XIRP2: variants seen among roughly 807,000 people sequenced by gnomAD.
XIRP2 encodes xin actin-binding repeat-containing protein 2.
A neutral mutation model predicts 277.0 loss-of-function variants in XIRP2; 236 were observed. That is an observed-to-expected ratio of 0.85 (90% CI 0.77 to 0.95). The LOEUF (loss-of-function observed/expected upper bound fraction) is 0.95, where lower values mean the gene tolerates loss of function less well. XIRP2 is among the 40% of genes least tolerant of loss of function. XIRP2 has a pLI of 0.00. For missense variants in XIRP2, 4,640 were observed against 4,157.5 expected (o/e 1.12, Z -3.19); for synonymous variants, 1,490 against 1,416.5 (o/e 1.05, Z -1.17).
Position 167,241,842 on chromosome 2 carries a change from GA to G in XIRP2, c.1112del (p.Lys371SerfsTer14). The G allele has an allele frequency of 6.2e-7, 1 of 1,613,644 alleles. No individual in the cohort carries two copies. Among genetic ancestry groups the G allele is most frequent in the East Asian group, 2.2e-5 (1 of 44,824 alleles). ...VSTKLLKEQF[E>X]KSAQEKILYS... ...GACTAAGTTGTTAAAAGAGCAGTTT[GA>G]AAAGTCTGCCCAGGAAAAGATCCTT... On this transcript the variant is annotated frameshift_variant, in exon 8 of 11. Coordinates refer to ENST00000409195, the MANE Select transcript of XIRP2 (RefSeq NM_152381.6). LOFTEE classifies it high-confidence loss of function.
chr2:167,110,001 G>A (rs1690711365), intron 2 of XIRP2, among the ~76,000 whole-genome samples: 1 of 151,970 alleles, frequency 6.6e-6, no homozygotes, highest in South Asian at 2.1e-4. Flanking sequence ...CATGTCCTTT[G>A]CCCACTTCTT....
intron 2 of XIRP2, among the ~76,000 whole-genome samples, chr2:166,981,803 T>G (rs977967042): frequency 1.3e-5 from 2 of 152,188 alleles, no homozygotes; most frequent in African/African-American, 4.8e-5. Context: ...AGACCCTATT[T>G]CCAAATAAGG....
chr2:167,043,787 C>T (rs1029118645), intron 2 of XIRP2, among the ~76,000 whole-genome samples: 5 of 151,948 alleles, frequency 3.3e-5, no homozygotes, highest in African/African-American at 1.2e-4. Flanking sequence ...ACCAAGTTTA[C>T]TGAAATTATT....
chr2:167,192,649 A>G (rs1693382560), intron 3 of XIRP2, among the ~76,000 whole-genome samples: 1 of 152,196 alleles, frequency 6.6e-6, no homozygotes, highest in African/African-American at 2.4e-5. Context: ...AATTCTGTCA[A>G]TTCCAGTGAC....
At chr2:167,159,100 G>A (rs935069164) in intron 3 of XIRP2, among the ~76,000 whole-genome samples, 1 of 152,088 alleles carries the variant, frequency 6.6e-6, no homozygotes, top group Non-Finnish European at 1.5e-5. Context: ...GTTCATAGAG[G>A]GGCTGCACTG....
At chr2:166,920,035 T>G (rs1684996323) in intron 2 of XIRP2, among the ~76,000 whole-genome samples, 1 of 152,154 alleles carries the variant, frequency 6.6e-6, no homozygotes, top group African/African-American at 2.4e-5. Context: ...CACAAATTTT[T>G]GAGTTTACCG....
At chr2:166,923,123 A>G (rs980430218) in intron 2 of XIRP2, among the ~76,000 whole-genome samples, 4 of 152,108 alleles carry the variant, frequency 2.6e-5, no homozygotes, top group African/African-American at 9.7e-5. Flanking sequence ...TTGTGATGCT[A>G]TTGATAATAA....
chr2:167,249,161 A>G lies in XIRP2; in HGVS notation c.7769A>G (p.Gln2590Arg). ...GAGGTGGAAAAGGAAATGCCATTAC[A>G]AAAAACCAATGAGGAGGTTTCCCTA... Reference protein sequence around the residue: ...ITEVEKEMPLQKTNEEVSLSG... With the variant: ...ITEVEKEMPLRKTNEEVSLSG... The change falls in exon 9 of 11, where the codon CAA becomes CGA. Residue 2590 changes from glutamine to arginine, a missense_variant. By Grantham distance (43) the Gln-to-Arg change is conservative (BLOSUM62 1). Transcript: ENST00000409195. 1 of 1,613,754 alleles carries G rather than the reference A, an allele frequency of 6.2e-7. No individual in the cohort carries two copies. Among genetic ancestry groups the G allele is most frequent in the African/African-American group, 1.3e-5 (1 of 74,998 alleles).
At chr2:166,995,768 T>G (rs146935537) in intron 2 of XIRP2, among the ~76,000 whole-genome samples, 2 of 152,330 alleles carry the variant, frequency 1.3e-5, no homozygotes, top group Non-Finnish European at 2.9e-5. Context: ...AAATTTGTAG[T>G]AGGTGGAGAT....
chr2:167,239,299 A>G (rs748196448), intron 5 of XIRP2, among the ~76,000 whole-genome samples: 4 of 152,230 alleles, frequency 2.6e-5, no homozygotes, highest in Non-Finnish European at 5.9e-5. Context: ...TCCAGATATA[A>G]CTATGTCCCA....
chr2:167,086,303 G>C (rs1023345048), intron 2 of XIRP2, among the ~76,000 whole-genome samples: 3 of 152,174 alleles, frequency 2.0e-5, no homozygotes, highest in Non-Finnish European at 4.4e-5. Context: ...GGTTTCTGCT[G>C]AGAGATCCGC....
chr2:167,020,924 A>T (rs1453683659), intron 2 of XIRP2, among the ~76,000 whole-genome samples: 2 of 152,068 alleles, frequency 1.3e-5, no homozygotes, highest in Non-Finnish European at 2.9e-5. Context: ...TTAATTGTTA[A>T]TTGAAATAAT....
Position 167,100,210 on chromosome 2 carries a change from A to G in XIRP2, c.409-35699A>G, listed in dbSNP as rs138949223. 4.5e-3 allele frequency among the ~76,000 whole-genome samples: 691 copies of G among 152,296 alleles called. 4 individuals carry two copies. Among genetic ancestry groups the G allele is most frequent in the Non-Finnish European group, 5.4e-3 (370 of 68,024 alleles). On this transcript the variant is annotated intron_variant, in intron 2 of 10. Coordinates refer to ENST00000409195, the MANE Select transcript of XIRP2 (RefSeq NM_152381.6). ...AAAAAATTACAAAATCATATATGATACTAGAATTTAAAAACATATAATTTA... is the reference window on the plus strand; with the variant it reads ...AAAAAATTACAAAATCATATATGATGCTAGAATTTAAAAACATATAATTTA...
At chr2:167,087,268 C>A (rs2105270334) in intron 2 of XIRP2, among the ~76,000 whole-genome samples, 1 of 152,318 alleles carries the variant, frequency 6.6e-6, no homozygotes, top group South Asian at 2.1e-4. Context: ...GGTCAGGGGT[C>A]AGGGACCCAC....
chr2:167,118,322 A>G lies in XIRP2; in HGVS notation c.409-17587A>G, dbSNP rs541273355. On this transcript the variant is annotated intron_variant, in intron 2 of 10. Transcript: ENST00000409195. Reference sequence around the variant, plus strand: ...TGGTGAAACCCGATCTCTACTAAAAATACAAAAAAATTAGCCAGGCGTGGT... The same window carrying G: ...TGGTGAAACCCGATCTCTACTAAAAGTACAAAAAAATTAGCCAGGCGTGGT... Among the ~76,000 whole-genome samples, 16 of 152,112 alleles carry G rather than the reference A, an allele frequency of 1.1e-4. No individual in the cohort carries two copies. In the East Asian group the frequency reaches 2.7e-3, roughly 26 times the overall value.
intron 2 of XIRP2, among the ~76,000 whole-genome samples, chr2:167,057,496 T>C (rs958066691): frequency 4.6e-5 from 7 of 152,210 alleles, no homozygotes; most frequent in Admixed American, 3.9e-4. Flanking sequence ...GGGTTACACA[T>C]GCACCTTAAC....
In XIRP2 at chr2:167,244,695, G is replaced by A; in HGVS notation, c.3303G>A (p.Gln1101=). 6.2e-7 allele frequency: 1 copy of A among 1,613,468 alleles called. No individual in the cohort carries two copies. Among genetic ancestry groups the A allele is most frequent in the Non-Finnish European group, 8.5e-7 (1 of 1,179,712 alleles). Residue 1101 remains glutamine (Q), a synonymous_variant, in exon 9 of 11, where the codon CAG becomes CAA. Transcript: ENST00000409195. ...VKTCKWLFET[Q]PMESLYEKVS... ...CCTGTAAATGGCTTTTTGAGACCCA[G>A]CCAATGGAGTCTCTTTATGAAAAAG...
intron 2 of XIRP2, among the ~76,000 whole-genome samples, chr2:166,936,472 C>T (rs1324336587): frequency 6.6e-6 from 1 of 152,198 alleles, no homozygotes; most frequent in Non-Finnish European, 1.5e-5. Flanking sequence ...GTGTTTTAGA[C>T]ATGAAGTCCT....
chr2:167,034,831 CTGT>C (rs1360513744), intron 2 of XIRP2, among the ~76,000 whole-genome samples: 4 of 152,142 alleles, frequency 2.6e-5, no homozygotes, highest in African/African-American at 9.7e-5. Flanking sequence ...TATGGTTTGG[CTGT>C]GTCCCCACCC....
Sources: gnomAD v4.1 joint callset for allele counts (sites outside exome capture counted in the v4.1 genomes callset) on GRCh38, gnomAD v4.1.1 for gene constraint, MANE v1.5 for transcripts, NCBI Gene and HGNC (gene_info 2026-07-23, HGNC 2026-07-21) for gene names.